PDK1: variants seen among roughly 807,000 people sequenced by gnomAD.
The protein encoded by PDK1 is pyruvate dehydrogenase kinase 1, also known as [Pyruvate dehydrogenase (acetyl-transferring)] kinase isozyme 1, mitochondrial.
Under a neutral mutation model 54.2 loss-of-function variants are expected in PDK1, and 39 were observed. The observed-to-expected ratio is 0.72, with a 90% CI of 0.56 to 0.94. The LOEUF (loss-of-function observed/expected upper bound fraction) is 0.94, where lower values mean the gene tolerates loss of function less well. Ranked by LOEUF, PDK1 falls within the 40% of genes least tolerant of loss-of-function variation. PDK1 has a pLI of 0.00. For synonymous variants in PDK1, 221 were observed against 207.1 expected (o/e 1.07, Z -0.58); for missense variants, 552 against 566.0 (o/e 0.98, Z 0.25).
At chr2:172,564,410 A>G in intron 3 of PDK1, 93 bp from the exon 4 acceptor site, 1 of 957,202 alleles carries the variant, frequency 1.0e-6, no homozygotes, top group Non-Finnish European at 1.6e-6. Context: ...TAAATTGGGG[A>G]TTTTTTGTCT....
At chr2:172,662,596 TA>T in the PDK1 span, among the ~76,000 whole-genome samples, 4 of 152,080 alleles carry the variant, frequency 2.6e-5, no homozygotes, top group South Asian at 2.1e-4. Flanking sequence ...GTACTGATTA[TA>T]ACTTATTTCA....
chr2:172,565,003 AG>A lies in PDK1; in HGVS notation c.623del (p.Gly208GlufsTer12). On this transcript the variant is annotated frameshift_variant, in exon 5 of 11. Coordinates refer to ENST00000282077, the MANE Select transcript of PDK1 (RefSeq NM_002610.5). LOFTEE classifies it high-confidence loss of function. ...HSLLFGGKGK[G>X]SPSHRKHIGS... is the part of the protein sequence containing the mutation. ...CTTTATTGTTTGGTGGAAAAGGCAA[AG>A]GAAGTCCATCTCATCGAAAACACAT... 6.2e-7 allele frequency: 1 copy of A among 1,612,906 alleles called. No homozygotes were observed. Among genetic ancestry groups the A allele is most frequent in the Non-Finnish European group, 8.5e-7 (1 of 1,178,988 alleles).
At chr2:172,659,460 G>T in the PDK1 span, among the ~76,000 whole-genome samples, 4 of 152,102 alleles carry the variant, frequency 2.6e-5, no homozygotes, top group East Asian at 7.7e-4. Flanking sequence ...GGGCTCCTGT[G>T]CCACATAAAA....
chr2:172,633,612 G>A, the PDK1 span, among the ~76,000 whole-genome samples: 1 of 150,730 alleles, frequency 6.6e-6, no homozygotes, highest in African/African-American at 2.4e-5. Context: ...AGTACAATAT[G>A]TAACAAACTC....
the PDK1 span, among the ~76,000 whole-genome samples, chr2:172,652,754 C>T: frequency 2.0e-5 from 3 of 151,984 alleles, no homozygotes; most frequent in Non-Finnish European, 4.4e-5. Context: ...CTAGGAATCC[C>T]ACTTACAAGG....
rs764133596 is a variant in PDK1 at position 172,586,317 on chromosome 2, G to A, written c.985G>A (p.Asp329Asn). 12 of 1,613,336 alleles carry A rather than the reference G, an allele frequency of 7.4e-6. No individual in the cohort carries two copies. The highest frequency in any genetic ancestry group is 2.7e-5 in the African/African-American group (2 of 74,898). ...AGGTGGCGTTCCTTTGAGGAAAATT[G>A]ACAGACTTTTCAACTACATGTATTC... ...RGGGVPLRKI[D>N]RLFNYMYSTA... The change falls in exon 9 of 11, where the codon GAC becomes AAC. Residue 329 changes from aspartate to asparagine, a missense_variant. Coordinates refer to ENST00000282077, the MANE Select transcript of PDK1 (RefSeq NM_002610.5).
chr2:172,669,698 T>G, the PDK1 span, among the ~76,000 whole-genome samples: 1 of 152,216 alleles, frequency 6.6e-6, no homozygotes, highest in Non-Finnish European at 1.5e-5. Flanking sequence ...ATAGCAAATT[T>G]AATAGATGTG....
chr2:172,685,735 A>G, the PDK1 span, among the ~76,000 whole-genome samples: 1 of 152,226 alleles, frequency 6.6e-6, no homozygotes, highest in Non-Finnish European at 1.5e-5. Context: ...ATGATAAATC[A>G]GCACTTTGGG....
In PDK1 at chr2:172,567,359, A is replaced by G. The variant is rs1265186585; in HGVS notation, c.769+426A>G. ...AAAGAGGAAAGAAAGATGCTCATCT[A>G]TTTGAGAATCTGTTTGTCTCTGATG... On this transcript the variant is annotated intron_variant, in intron 6 of 10. Transcript: ENST00000282077. Among the ~76,000 whole-genome samples, 6 of 152,202 alleles carry G rather than the reference A, an allele frequency of 3.9e-5. No individual in the cohort carries two copies. The East Asian group carries it at 7.7e-4, about 20-fold the overall frequency.
At chr2:172,575,528 T>C (rs1200053531) in intron 8 of PDK1, among the ~76,000 whole-genome samples, 4 of 152,302 alleles carry the variant, frequency 2.6e-5, no homozygotes, top group Non-Finnish European at 1.5e-5. Context: ...TATTTATAAA[T>C]ATAAATAATA....
the PDK1 span, among the ~76,000 whole-genome samples, chr2:172,710,863 T>C: frequency 6.6e-6 from 1 of 152,256 alleles, no homozygotes; most frequent in Non-Finnish European, 1.5e-5. Flanking sequence ...TGAGTCATTA[T>C]ATCCACATTG....
At chr2:172,591,552 G>A (rs1257992068) in intron 9 of PDK1, among the ~76,000 whole-genome samples, 1 of 152,170 alleles carries the variant, frequency 6.6e-6, no homozygotes, top group African/African-American at 2.4e-5. Context: ...GTGTTTGGTA[G>A]TAGGATAATG....
At chr2:172,619,555 G>A in the PDK1 span, among the ~76,000 whole-genome samples, 32 of 151,644 alleles carry the variant, frequency 2.1e-4, no homozygotes, top group Non-Finnish European at 3.8e-4. Context: ...GGTTTTCTGC[G>A]GTAACAGTCT....
the PDK1 span, among the ~76,000 whole-genome samples, chr2:172,647,942 T>C: frequency 2.6e-5 from 4 of 152,234 alleles, no homozygotes; most frequent in Admixed American, 2.0e-4. Context: ...CACTTTGTAA[T>C]ATTCGTGCCA....
the PDK1 span, among the ~76,000 whole-genome samples, chr2:172,684,957 A>AT: frequency 2.0e-5 from 3 of 152,118 alleles, no homozygotes; most frequent in Non-Finnish European, 4.4e-5. Flanking sequence ...GCTTTCCCTC[A>AT]TGCTGTTCTT....
the PDK1 span, among the ~76,000 whole-genome samples, chr2:172,623,618 G>A: frequency 3.9e-5 from 6 of 152,244 alleles, no homozygotes; most frequent in South Asian, 1.2e-3. Flanking sequence ...GTTTGCTAGG[G>A]CAGATTGTTT....
At chr2:172,704,510 T>TAGCCCAC in the PDK1 span, among the ~76,000 whole-genome samples, 1 of 152,216 alleles carries the variant, frequency 6.6e-6, no homozygotes, top group South Asian at 2.1e-4. Flanking sequence ...GAAGTAGTAT[T>TAGCCCAC]TTCAGGAGAG....
At chr2:172,594,996 T>C (rs990347829) in intron 10 of PDK1, among the ~76,000 whole-genome samples, 1 of 152,170 alleles carries the variant, frequency 6.6e-6, no homozygotes, top group Non-Finnish European at 1.5e-5. Context: ...CCAGGGCCAA[T>C]AAATGTTCAC....
intron 9 of PDK1, 114 bp downstream of exon 9, chr2:172,586,502 G>C: frequency 1.7e-6 from 1 of 578,740 alleles, no homozygotes; most frequent in African/African-American, 1.9e-5. Flanking sequence ...GAAGAAAGAA[G>C]CTCTTAGAAA....
Sources: allele counts gnomAD v4.1 joint callset (sites outside exome capture counted in the v4.1 genomes callset), GRCh38; gene constraint gnomAD v4.1.1; transcripts MANE v1.5; gene names NCBI Gene and HGNC (gene_info 2026-07-23, HGNC 2026-07-21).